Variants in CYYR1 observed in about 807,000 individuals in gnomAD.
CYYR1 encodes cysteine and tyrosine rich 1, also known as cysteine and tyrosine-rich protein 1.
Under a neutral mutation model 15.2 loss-of-function variants are expected in CYYR1, and 14 were observed. That is an observed-to-expected ratio of 0.92 (90% CI 0.61 to 1.44). The LOEUF (loss-of-function observed/expected upper bound fraction) is 1.44, where lower values mean the gene tolerates loss of function less well. CYYR1 is among the 40% of genes most tolerant of loss of function. The pLI is 0.00. For synonymous variants in CYYR1, 80 were observed against 77.4 expected (o/e 1.03, Z -0.18); for missense variants, 228 against 209.5 (o/e 1.09, Z -0.54).
intron 3 of CYYR1, among the ~76,000 whole-genome samples, 152 bp from the exon 4 acceptor site, chr21:26,468,786 A>G (rs953233712): frequency 6.6e-6 from 1 of 152,286 alleles, no homozygotes; most frequent in Non-Finnish European, 1.5e-5. Flanking sequence ...TATGTATGAA[A>G]GGGTAAGTGC....
intron 2 of CYYR1, among the ~76,000 whole-genome samples, chr21:26,537,052 C>G (rs1358604505): frequency 6.6e-6 from 1 of 152,138 alleles, no homozygotes; most frequent in Admixed American, 6.6e-5. Flanking sequence ...GGAATCTTAT[C>G]TGGTGTGCGG....
chr21:26,498,559 G>A (rs771888612), intron 2 of CYYR1, among the ~76,000 whole-genome samples: 1 of 152,162 alleles, frequency 6.6e-6, no homozygotes, highest in Non-Finnish European at 1.5e-5. Context: ...ATTAAGTCTA[G>A]CTTGTGAAGG....
At position 26,491,530 on chromosome 21, in the gene CYYR1, T is replaced by C. The variant is rs185956880; in HGVS notation, c.177-11101A>G. 4.1e-4 allele frequency among the ~76,000 whole-genome samples: 63 copies of C among 152,250 alleles called. 1 individual carries two copies. The highest frequency in any genetic ancestry group is 3.4e-3 in the Admixed American group (52 of 15,288). ...TGACTCGAAGATGGAGAGTTTCAAA[T>C]AAATATGGAGGCTCACACAGTCAAT... On this transcript the variant is annotated intron_variant, in intron 2 of 3. Transcript: ENST00000652641.
intron 2 of CYYR1, among the ~76,000 whole-genome samples, chr21:26,500,943 A>G (rs573941602): frequency 2.0e-5 from 3 of 152,326 alleles, no homozygotes; most frequent in African/African-American, 7.2e-5. Flanking sequence ...TGTTTTGCTT[A>G]TCTATTAAGC....
chr21:26,517,507 T>C (rs976985807), intron 2 of CYYR1, among the ~76,000 whole-genome samples: 4 of 152,146 alleles, frequency 2.6e-5, no homozygotes, highest in African/African-American at 4.8e-5. Flanking sequence ...GAATGGGGTA[T>C]ATTAAAACTT....
intron 2 of CYYR1, among the ~76,000 whole-genome samples, chr21:26,517,552 G>A (rs781281917): frequency 6.6e-6 from 1 of 152,130 alleles, no homozygotes; most frequent in South Asian, 2.1e-4. Context: ...AAATTCAAGA[G>A]AGCCCAGACA....
chr21:26,562,987 A>G (rs1007172604), intron 2 of CYYR1, among the ~76,000 whole-genome samples: 1 of 152,160 alleles, frequency 6.6e-6, no homozygotes, highest in African/African-American at 2.4e-5. Context: ...CTAGGCCACC[A>G]CTGCCATGGT....
intron 2 of CYYR1, among the ~76,000 whole-genome samples, chr21:26,484,391 T>C (rs1003419895): frequency 1.2e-4 from 19 of 152,150 alleles, no homozygotes; most frequent in African/African-American, 4.6e-4. Context: ...TAGAATGCCA[T>C]TAAGAATATC....
In CYYR1 at chr21:26,480,389, T is replaced by A. The variant is rs537292734; in HGVS notation, c.217A>T (p.Ile73Phe). ...IAGIVFGIVFIMGVIAGIAIC... is the reference protein window; with the variant it reads ...IAGIVFGIVFFMGVIAGIAIC... ...GCAATCCCAGCAATGACCCCCATGA[T>A]AAATACTATTCCAAAAACAATGCCC... Residue 73 changes from isoleucine (I) to phenylalanine (F), a missense_variant, in exon 3 of 4, where the codon ATC becomes TTC. Ile to Phe is a conservative substitution (Grantham distance 21, BLOSUM62 0). Coordinates refer to ENST00000652641, the MANE Select transcript of CYYR1 (RefSeq NM_001320768.2). 6.2e-7 allele frequency: 1 copy of A among 1,613,334 alleles called. No homozygotes were observed.
intron 2 of CYYR1, among the ~76,000 whole-genome samples, chr21:26,481,787 C>A (rs940762942): frequency 6.6e-6 from 1 of 151,746 alleles, no homozygotes; most frequent in Non-Finnish European, 1.5e-5. Context: ...ATTTTCAATA[C>A]TTACTAGTAT....
At chr21:26,486,767 AG>A (rs1306654506) in intron 2 of CYYR1, among the ~76,000 whole-genome samples, 1 of 152,138 alleles carries the variant, frequency 6.6e-6, no homozygotes, top group East Asian at 1.9e-4. Flanking sequence ...GAGTAAAAAA[AG>A]ATTCTGATAA....
chr21:26,552,835 A>G (rs1443848813), intron 2 of CYYR1, among the ~76,000 whole-genome samples: 1 of 152,158 alleles, frequency 6.6e-6, no homozygotes, highest in South Asian at 2.1e-4. Context: ...TGAATGTGCT[A>G]TCATACATAT....
At chr21:26,523,329 G>A (rs1029410277) in intron 2 of CYYR1, among the ~76,000 whole-genome samples, 3 of 151,918 alleles carry the variant, frequency 2.0e-5, no homozygotes, top group Admixed American at 6.6e-5. Flanking sequence ...TCTCTCTCTT[G>A]CTCCCCTGAG....
At chr21:26,559,629 T>A (rs1242860375) in intron 2 of CYYR1, among the ~76,000 whole-genome samples, 2 of 152,296 alleles carry the variant, frequency 1.3e-5, no homozygotes, top group East Asian at 3.9e-4. Flanking sequence ...AAGAGTGGAT[T>A]TTTTATTGTG....
intron 2 of CYYR1, among the ~76,000 whole-genome samples, chr21:26,515,009 A>T (rs528075638): frequency 4.6e-5 from 7 of 152,384 alleles, no homozygotes; most frequent in African/African-American, 1.7e-4. Context: ...TGTGGTATGC[A>T]TGATAGTACT....
chr21:26,520,748 C>T (rs911415131), intron 2 of CYYR1, among the ~76,000 whole-genome samples: 4 of 152,274 alleles, frequency 2.6e-5, no homozygotes, highest in South Asian at 4.1e-4. Flanking sequence ...TCTATTGTTT[C>T]CTGATTTTTT....
chr21:26,487,973 C>CT (rs5843237), intron 2 of CYYR1, among the ~76,000 whole-genome samples: 10 of 146,214 alleles, frequency 6.8e-5, no homozygotes, highest in Middle Eastern at 3.3e-3. Flanking sequence ...TTTTATTTTG[C>CT]TTTTTTTTTT....
chr21:26,478,843 C>T (rs1317050430), intron 3 of CYYR1, among the ~76,000 whole-genome samples: 1 of 151,982 alleles, frequency 6.6e-6, no homozygotes, highest in Non-Finnish European at 1.5e-5. Flanking sequence ...GAAGGTAGAG[C>T]CAAGAAGTTT....
At chr21:26,523,118 G>A (rs1350554929) in intron 2 of CYYR1, among the ~76,000 whole-genome samples, 1 of 152,194 alleles carries the variant, frequency 6.6e-6, no homozygotes, top group Non-Finnish European at 1.5e-5. Flanking sequence ...ATAATAGGAA[G>A]CTGCCAAAAA....
Sources: gnomAD v4.1 joint callset for allele counts (sites outside exome capture counted in the v4.1 genomes callset) on GRCh38, gnomAD v4.1.1 for gene constraint, MANE v1.5 for transcripts, NCBI Gene and HGNC (gene_info 2026-07-23, HGNC 2026-07-21) for gene names.